The following SYCP2 variants were observed in gnomAD, a reference collection of about 807,000 sequenced individuals.
SYCP2 encodes synaptonemal complex lateral element protein.
In SYCP2, 55 loss-of-function variants were observed where a neutral mutation model predicts 211.3. The observed-to-expected ratio is 0.26, with a 90% confidence interval of 0.21 to 0.33. The LOEUF (loss-of-function observed/expected upper bound fraction) is 0.33. Ranked by LOEUF, SYCP2 falls within the 10% of genes least tolerant of loss-of-function variation. SYCP2 has a pLI of 1.00. For synonymous variants in SYCP2, 570 were observed against 555.2 expected (o/e 1.03, Z -0.37); for missense variants, 1,731 against 1,752.0 (o/e 0.99, Z 0.21).
intron 18 of SYCP2, among the ~76,000 whole-genome samples, chr20:59,899,884 G>T (rs1329731517): frequency 1.3e-5 from 2 of 152,002 alleles, no homozygotes. Context: ...ATTCAAGAAG[G>T]TTATCTTATC....
At chr20:59,911,880 A>G in intron 13 of SYCP2, 35 bp from the exon 14 acceptor site, 1 of 1,101,716 alleles carries the variant, frequency 9.1e-7, no homozygotes, top group Non-Finnish European at 1.3e-6. Context: ...GGAATATACA[A>G]TGATTTTAGA....
chr20:59,893,125 G>A lies in SYCP2; in HGVS notation c.1793+17C>T. 1 of 1,567,712 alleles carries A rather than the reference G, an allele frequency of 6.4e-7. No individual in the cohort carries two copies. Among genetic ancestry groups the A allele is most frequent in the South Asian group, 1.1e-5 (1 of 87,598 alleles). ...ATTAGTATAGACTAAATGATTTGATGGTTTTCTCATACTTACATAGTATGA... is the reference window on the plus strand; with the variant it reads ...ATTAGTATAGACTAAATGATTTGATAGTTTTCTCATACTTACATAGTATGA... On this transcript the variant is annotated intron_variant, in intron 22 of 44. Transcript: ENST00000357552.
rs192805188 is a variant in SYCP2 at position 59,865,303 on chromosome 20, A to C, written c.4515+85T>G. ...TTTCTCTCAACCCAAAAGAAAAAGAAAGACATAAAAGCACACACACAAAAA... is the reference window on the plus strand; with the variant it reads ...TTTCTCTCAACCCAAAAGAAAAAGACAGACATAAAAGCACACACACAAAAA... On this transcript the variant is annotated intron_variant, in intron 44 of 44. Transcript: ENST00000357552. 4.2e-3 allele frequency: 4,522 copies of C among 1,064,594 alleles called. 45 individuals are homozygous for C. Among genetic ancestry groups the C allele is most frequent in the South Asian group, 0.019 (1,344 of 69,562 alleles). The allele number at this position is 1,064,594 out of a possible 1,614,324, so 65.9% of individuals were successfully genotyped here.
chr20:59,885,516 G>A (rs1387205649), intron 26 of SYCP2, among the ~76,000 whole-genome samples: 1 of 151,912 alleles, frequency 6.6e-6, no homozygotes, highest in Non-Finnish European at 1.5e-5. Context: ...GCAACTGTGA[G>A]GAATTAGAAA....
intron 31 of SYCP2, among the ~76,000 whole-genome samples, 188 bp from the exon 32 acceptor site, chr20:59,878,233 A>G (rs1246932137): frequency 1.3e-5 from 2 of 152,134 alleles, no homozygotes; most frequent in Non-Finnish European, 2.9e-5. Flanking sequence ...CCCTCCTGAC[A>G]CCGTAATCTT....
chr20:59,925,790 G>C (rs527399512), intron 2 of SYCP2, among the ~76,000 whole-genome samples: 1 of 151,994 alleles, frequency 6.6e-6, no homozygotes, highest in East Asian at 1.9e-4. Context: ...GCTCCCAAAT[G>C]CATGTAGGTA....
intron 20 of SYCP2, among the ~76,000 whole-genome samples, chr20:59,894,415 A>T (rs558359580): frequency 6.6e-6 from 1 of 152,104 alleles, no homozygotes; most frequent in Admixed American, 6.6e-5. Context: ...CACTTAGACA[A>T]CTTGAACCAT....
At chr20:59,899,979 T>C (rs1197829965) in intron 18 of SYCP2, 159 bp downstream of exon 18, 2 of 761,132 alleles carry the variant, frequency 2.6e-6, no homozygotes, top group Non-Finnish European at 4.3e-6. Flanking sequence ...ACACACACTA[T>C]CTTTTGTTTG....
intron 18 of SYCP2, among the ~76,000 whole-genome samples, chr20:59,898,298 A>G (rs1353032824): frequency 6.6e-6 from 1 of 152,236 alleles, no homozygotes; most frequent in Non-Finnish European, 1.5e-5. Context: ...TATTCACAAT[A>G]GCAAAGACTT....
chr20:59,903,343 T>C (rs535336257), intron 15 of SYCP2, among the ~76,000 whole-genome samples: 4 of 152,102 alleles, frequency 2.6e-5, no homozygotes, highest in Admixed American at 2.6e-4. Flanking sequence ...TAAGAATGAA[T>C]AGGAAGAGAA....
rs1223894828 is a variant in SYCP2, at chr20:59,864,103, ATAGAC to A, written c.*203_*207del. ...CTCCAAAATTAAAAAAAAATATTGTATAGACAGAAGTCTTCTGGGCTTGGACTCAT... is the reference window on the plus strand; with the variant it reads ...CTCCAAAATTAAAAAAAAATATTGTAAGAAGTCTTCTGGGCTTGGACTCAT... On this transcript the variant is annotated 3_prime_UTR_variant, in exon 45 of 45. Transcript: ENST00000357552. 8.6e-6 allele frequency: 3 copies of A among 350,774 alleles called. No individual in the cohort carries two copies. Among genetic ancestry groups the A allele is most frequent in the Admixed American group, 4.7e-5 (1 of 21,220 alleles). 21.7% of individuals were successfully genotyped at this position (350,774 alleles called of 1,614,324 possible).
chr20:59,909,712 G>A (rs1010575294), intron 14 of SYCP2, among the ~76,000 whole-genome samples: 8 of 151,964 alleles, frequency 5.3e-5, no homozygotes, highest in South Asian at 2.1e-4. Flanking sequence ...TCAATGTTCC[G>A]TTTACTCATT....
chr20:59,871,995 GGTC>G (rs1365013775), intron 35 of SYCP2, among the ~76,000 whole-genome samples: 1 of 151,944 alleles, frequency 6.6e-6, no homozygotes, highest in African/African-American at 2.4e-5. Context: ...TTCAAATTGT[GGTC>G]TGTAGAAACT....
rs1335875799 is a variant in SYCP2, at chr20:59,900,033, A to G, written c.1404+105T>C. 7 of 1,219,270 alleles carry G rather than the reference A, an allele frequency of 5.7e-6. No homozygotes were observed. The African/African-American group carries it at 1.1e-4, about 18-fold the overall frequency. 75.5% of individuals were successfully genotyped at this position (1,219,270 alleles called of 1,614,324 possible). ...GAAACACTCTGAAATGTGATTGATC[A>G]AGGCCAATAATATATAAATTCTAGA... On this transcript the variant is annotated intron_variant, in intron 18 of 44. Transcript: ENST00000357552.
intron 1 of SYCP2, 146 bp from the exon 2 acceptor site, chr20:59,932,300 GTAAC>G (rs1341339489): frequency 6.6e-6 from 1 of 152,158 alleles, no homozygotes; most frequent in African/African-American, 2.4e-5. Flanking sequence ...CTCTGCCCTG[GTAAC>G]TAACATAGCT....
Position 59,864,167 on chromosome 20 carries a change from A to AT in SYCP2, c.*143dup, listed in dbSNP as rs199662252. ...GGTTCCCTCTCATCCATTAAAAGAC[A>AT]TTTTTTTTTAATTTGAGGGTTCCTA... is the stretch of plus-strand genomic sequence containing the variant. On this transcript the variant is annotated 3_prime_UTR_variant, in exon 45 of 45. Coordinates refer to ENST00000357552, the MANE Select transcript of SYCP2 (RefSeq NM_014258.4). 0.024 allele frequency: 12,438 copies of AT among 516,276 alleles called. 130 individuals are homozygous for AT. Among genetic ancestry groups the AT allele is most frequent in the Middle Eastern group, 0.035 (65 of 1,860 alleles). 32.0% of individuals were successfully genotyped at this position (516,276 alleles called of 1,614,324 possible).
At chr20:59,908,823 C>T (rs2060262311) in intron 14 of SYCP2, among the ~76,000 whole-genome samples, 1 of 152,108 alleles carries the variant, frequency 6.6e-6, no homozygotes, top group Non-Finnish European at 1.5e-5. Context: ...CTCTCCCTAT[C>T]TGCCCTTCAC....
intron 2 of SYCP2, among the ~76,000 whole-genome samples, chr20:59,922,844 C>A (rs904627256): frequency 2.0e-5 from 3 of 151,096 alleles, no homozygotes; most frequent in African/African-American, 7.3e-5. Context: ...GAAATTTGGG[C>A]TATTAATATT....
chr20:59,920,254 T>TA, intron 5 of SYCP2, 105 bp downstream of exon 5: 1 of 1,035,938 alleles, frequency 9.7e-7, no homozygotes, highest in Non-Finnish European at 1.4e-6. Flanking sequence ...AAATTGTACA[T>TA]AAAGTTCCTA....
Sources: gnomAD v4.1 joint callset for allele counts (sites outside exome capture counted in the v4.1 genomes callset) on GRCh38, gnomAD v4.1.1 for gene constraint, MANE v1.5 for transcripts, NCBI Gene and HGNC (gene_info 2026-07-23, HGNC 2026-07-21) for gene names.